The following TEK variants were observed in gnomAD, a reference collection of about 807,000 sequenced individuals.
TEK encodes the protein TEK receptor tyrosine kinase, also known as angiopoietin-1 receptor.
A neutral mutation model predicts 131.8 loss-of-function variants in TEK; 43 were observed. The observed-to-expected ratio is 0.33, with a 90% CI of 0.26 to 0.42. The LOEUF (loss-of-function observed/expected upper bound fraction) is 0.42, where lower values mean the gene tolerates loss of function less well. Among genes scored for constraint, TEK ranks in the 10% least tolerant of loss-of-function variants. The pLI is 1.00. For missense variants in TEK, 1,162 were observed against 1,384.4 expected (o/e 0.84, Z 2.55); for synonymous variants, 580 against 491.6 (o/e 1.18, Z -2.38).
chr9:27,153,636 A>G (rs1216915520), intron 1 of TEK, among the ~76,000 whole-genome samples: 1 of 152,206 alleles, frequency 6.6e-6, no homozygotes, highest in Non-Finnish European at 1.5e-5. Flanking sequence ...TGATGAAACA[A>G]CTCACTATCC....
intron 18 of TEK, 27 bp downstream of exon 18, chr9:27,213,624 G>T (rs374442775): frequency 2.6e-6 from 4 of 1,550,754 alleles, no homozygotes; most frequent in Middle Eastern, 1.7e-4. Flanking sequence ...GACACTGATC[G>T]CATCCTTTCC....
intron 9 of TEK, among the ~76,000 whole-genome samples, chr9:27,187,790 A>G (rs1261046987): frequency 6.6e-6 from 1 of 152,080 alleles, no homozygotes; most frequent in Admixed American, 6.6e-5. Context: ...TCACAGGGAG[A>G]TTAAATTAGG....
At chr9:27,202,629 G>A (rs549389206) in intron 12 of TEK, among the ~76,000 whole-genome samples, 191 bp from the exon 13 acceptor site, 1 of 152,240 alleles carries the variant, frequency 6.6e-6, no homozygotes, top group Non-Finnish European at 1.5e-5. Flanking sequence ...GATATGTGTT[G>A]CCATTTCTCT....
chr9:27,156,104 G>A (rs1019194124), intron 1 of TEK, among the ~76,000 whole-genome samples: 3 of 152,008 alleles, frequency 2.0e-5, no homozygotes, highest in Admixed American at 6.6e-5. Flanking sequence ...TGCCTGGCCC[G>A]CACTTTCATT....
At chr9:27,209,289 A>G (rs1825514858) in intron 16 of TEK, 58 bp downstream of exon 16, 4 of 1,182,108 alleles carry the variant, frequency 3.4e-6, no homozygotes, top group Admixed American at 1.7e-5. Flanking sequence ...GACAAATTCC[A>G]TATGGATATA....
chr9:27,198,040 G>A (rs1478446033), intron 12 of TEK, among the ~76,000 whole-genome samples: 1 of 150,166 alleles, frequency 6.7e-6, no homozygotes, highest in Non-Finnish European at 1.5e-5. Context: ...ATTTATCTAG[G>A]AGTAATAAAA....
intron 1 of TEK, among the ~76,000 whole-genome samples, chr9:27,156,459 A>G (rs572240121): frequency 2.6e-5 from 4 of 152,034 alleles, no homozygotes; most frequent in South Asian, 2.1e-4. Flanking sequence ...GAAGCCTTCT[A>G]TGAGAAAGTG....
chr9:27,179,683 G>A (rs77010446), intron 6 of TEK, among the ~76,000 whole-genome samples: 1 of 152,272 alleles, frequency 6.6e-6, no homozygotes, highest in South Asian at 2.1e-4. Context: ...TAGCTGGGCT[G>A]CTTTGAGTCT....
chr9:27,194,517 G>T (rs1352145174), intron 11 of TEK, among the ~76,000 whole-genome samples: 1 of 152,158 alleles, frequency 6.6e-6, no homozygotes, highest in African/African-American at 2.4e-5. Flanking sequence ...TGACCCAAGG[G>T]ATCCCTGATA....
intron 1 of TEK, among the ~76,000 whole-genome samples, chr9:27,122,885 C>G (rs71510416): frequency 6.6e-6 from 1 of 151,324 alleles, no homozygotes; most frequent in African/African-American, 2.4e-5. Flanking sequence ...AACCCTGTCT[C>G]TACTAAAAAT....
Position 27,168,476 on chromosome 9 carries a change from G to C in TEK, c.365-19G>C. On this transcript the variant is annotated intron_variant, in intron 2 of 22. Coordinates refer to ENST00000380036, the MANE Select transcript of TEK (RefSeq NM_000459.5). ...ATGTGTGATCCCATTTTTGGTATTT[G>C]TTTTCTCTCTTTTAAAAGCTTCCTT... The C allele has an allele frequency of 6.3e-7, 1 of 1,596,356 alleles. No homozygotes were observed. The highest frequency in any genetic ancestry group is 2.2e-5 in the East Asian group (1 of 44,694).
chr9:27,132,416 T>G (rs1289569543), intron 1 of TEK, among the ~76,000 whole-genome samples: 1 of 152,218 alleles, frequency 6.6e-6, no homozygotes. Context: ...AGAACCCATA[T>G]TTATCAGGAC....
At chr9:27,141,555 T>C (rs1190717251) in intron 1 of TEK, among the ~76,000 whole-genome samples, 2 of 152,232 alleles carry the variant, frequency 1.3e-5, no homozygotes, top group African/African-American at 2.4e-5. Flanking sequence ...ACTTAAAATA[T>C]ACTTTCATGA....
intron 1 of TEK, among the ~76,000 whole-genome samples, chr9:27,136,686 C>T (rs2131073632): frequency 6.6e-6 from 1 of 152,256 alleles, no homozygotes; most frequent in South Asian, 2.1e-4. Context: ...TCTACAGAGG[C>T]AATGCAAAGA....
intron 2 of TEK, among the ~76,000 whole-genome samples, chr9:27,158,420 A>G (rs908727169): frequency 6.6e-6 from 1 of 152,148 alleles, no homozygotes; most frequent in African/African-American, 2.4e-5. Context: ...TGGATAGTTG[A>G]CTGTTACATG....
At chr9:27,180,216 G>A (rs989605542) in intron 6 of TEK, 24 bp from the exon 7 acceptor site, 1 of 1,613,402 alleles carries the variant, frequency 6.2e-7, no homozygotes, top group African/African-American at 1.3e-5. Flanking sequence ...ATTAATACTG[G>A]TTTTTTGATG....
chr9:27,157,462 C>G (rs150228263), intron 1 of TEK, among the ~76,000 whole-genome samples: 174 of 152,250 alleles, frequency 1.1e-3, no homozygotes, highest in African/African-American at 3.8e-3. Context: ...ACATTAGCAT[C>G]AATTGATAAC....
chr9:27,229,405 T>G lies in TEK; in HGVS notation c.*173T>G. The stretch of plus-strand genomic sequence containing the variant: ...ATGCATGGATCTATGTAGTATGCTC[T>G]GACTCTAATAGGACTGTATATACTG... On this transcript the variant is annotated 3_prime_UTR_variant, in exon 23 of 23. Coordinates refer to ENST00000380036, the MANE Select transcript of TEK (RefSeq NM_000459.5). 1 of 701,178 alleles carries G rather than the reference T, an allele frequency of 1.4e-6. No individual in the cohort carries two copies. 43.4% of individuals were successfully genotyped at this position (701,178 alleles called of 1,614,324 possible). A position where few individuals can be genotyped will look rare whatever the true frequency, so the allele number is the denominator to read the frequency against.
At chr9:27,226,722 A>G (rs577572588) in intron 21 of TEK, among the ~76,000 whole-genome samples, 32 of 152,306 alleles carry the variant, frequency 2.1e-4, no homozygotes, top group Middle Eastern at 6.8e-3. Context: ...TGAAAGTATA[A>G]TAATAAAAAA....
Sources: allele counts gnomAD v4.1 joint callset (sites outside exome capture counted in the v4.1 genomes callset), GRCh38; gene constraint gnomAD v4.1.1; transcripts MANE v1.5; gene names NCBI Gene and HGNC (gene_info 2026-07-23, HGNC 2026-07-21).